SCN10A: variants seen among roughly 807,000 people sequenced by gnomAD.
SCN10A encodes sodium voltage-gated channel alpha subunit 10.
A neutral mutation model predicts 170.7 loss-of-function variants in SCN10A; 162 were observed. The ratio of observed to expected loss-of-function variants is 0.95; its 90% CI spans 0.84 to 1.08. The LOEUF is 1.08. SCN10A is among the 50% of genes least tolerant of loss of function. The pLI, the probability that SCN10A is intolerant of heterozygous loss-of-function variation, is 0.00. For missense variants in SCN10A, 2,527 were observed against 2,436.9 expected, an observed-to-expected ratio of 1.04 and a Z score of -0.78; for synonymous variants, 985 against 904.6, an observed-to-expected ratio of 1.09 and a Z score of -1.59.
At chr3:38,767,072 T>G (rs1261950363) in intron 5 of SCN10A, among the ~76,000 whole-genome samples, 1 of 152,014 alleles carries the variant, frequency 6.6e-6, no homozygotes, top group African/African-American at 2.4e-5. Context: ...GTGGTATCAG[T>G]TGTAATATCT....
intron 13 of SCN10A, among the ~76,000 whole-genome samples, chr3:38,746,803 G>A (rs2063695354): frequency 6.6e-6 from 1 of 152,096 alleles, no homozygotes; most frequent in African/African-American, 2.4e-5. Flanking sequence ...TCCTCTTTAA[G>A]GCACTCACCA....
At chr3:38,796,986 AACTT>A (rs900243278) in intron 1 of SCN10A, among the ~76,000 whole-genome samples, 1 of 152,142 alleles carries the variant, frequency 6.6e-6, no homozygotes, top group Non-Finnish European at 1.5e-5. Flanking sequence ...ATAATGGCGA[AACTT>A]AATAGCTGAA....
At position 38,697,302 on chromosome 3, in the gene SCN10A, C is replaced by T. The variant is rs116283332; in HGVS notation, c.*47G>A. 1,776 of 1,594,394 alleles carry T rather than the reference C, an allele frequency of 1.1e-3. 14 individuals are homozygous for T. In the African/African-American group the frequency reaches 0.021, roughly 19 times the overall value. On this transcript the variant is annotated 3_prime_UTR_variant, in exon 28 of 28. Transcript: ENST00000449082. ...GCAATGGGAAAGAGTTAACACAGAG[C>T]AGAAGGACGCATCATAACTGAACAT... is the stretch of plus-strand genomic sequence containing the variant.
chr3:38,757,261 G>C (rs2063819422), intron 8 of SCN10A, 102 bp from the exon 9 acceptor site: 1 of 1,149,900 alleles, frequency 8.7e-7, no homozygotes. Context: ...CAGAGTTCAA[G>C]ACCTAGTCTT....
chr3:38,750,025 G>A (rs746403296), intron 13 of SCN10A, 48 bp downstream of exon 13: 2 of 1,041,896 alleles, frequency 1.9e-6, no homozygotes, highest in Non-Finnish European at 3.0e-6. Flanking sequence ...GCTCACATGG[G>A]AATTCATCAT....
intron 4 of SCN10A, among the ~76,000 whole-genome samples, chr3:38,781,756 A>C (rs1299015551): frequency 1.3e-5 from 2 of 152,140 alleles, no homozygotes; most frequent in African/African-American, 4.8e-5. Flanking sequence ...GTTTGAGCCT[A>C]GTTATAATGA....
chr3:38,696,918 G>A lies in SCN10A; in HGVS notation c.*431C>T, dbSNP rs913897505. The A allele has an allele frequency of 5.4e-6, 1 of 186,432 alleles. No individual in the cohort carries two copies. Among genetic ancestry groups the A allele is most frequent in the African/African-American group, 2.3e-5 (1 of 43,050 alleles). 11.5% of individuals were successfully genotyped at this position (186,432 alleles called of 1,614,324 possible). On this transcript the variant is annotated 3_prime_UTR_variant, in exon 28 of 28. Coordinates refer to ENST00000449082, the MANE Select transcript of SCN10A (RefSeq NM_006514.4). ...TCCGACAGCTCTCACATGCAGTCAT[G>A]CAAAATCCTAAATAATATTGCCAAT... is the stretch of plus-strand genomic sequence containing the variant.
intron 1 of SCN10A, among the ~76,000 whole-genome samples, chr3:38,808,810 T>C (rs982908081): frequency 6.6e-6 from 1 of 152,184 alleles, no homozygotes; most frequent in Admixed American, 6.5e-5. Flanking sequence ...AATGGGGCAA[T>C]GACTGAAGGG....
At chr3:38,807,641 C>T (rs1559473431) in intron 1 of SCN10A, among the ~76,000 whole-genome samples, 1 of 152,088 alleles carries the variant, frequency 6.6e-6, no homozygotes, top group Non-Finnish European at 1.5e-5. Flanking sequence ...TCTTTTATAT[C>T]CCCTTGCATC....
At chr3:38,714,330 C>A (rs557824244) in intron 21 of SCN10A, among the ~76,000 whole-genome samples, 33 of 152,334 alleles carry the variant, frequency 2.2e-4, no homozygotes, top group South Asian at 1.7e-3. Flanking sequence ...CATCACCAAC[C>A]TCTGGTACGT....
chr3:38,700,530 T>C (rs1046562715), intron 27 of SCN10A, among the ~76,000 whole-genome samples: 1 of 152,242 alleles, frequency 6.6e-6, no homozygotes, highest in African/African-American at 2.4e-5. Context: ...GATGGTTTCA[T>C]GGGTGTATAC....
At position 38,742,333 on chromosome 3, in the gene SCN10A, G is replaced by A. The variant is rs758224718; in HGVS notation, c.2064C>T (p.Gly688=). The change falls in exon 14 of 28, where the codon GGC becomes GGT. Residue 688 remains glycine (G), a synonymous_variant. Coordinates refer to ENST00000449082, the MANE Select transcript of SCN10A (RefSeq NM_006514.4). ...GCATGGCTTCGAAGGTAGGGCTCATGCCATGGTGCTCCATGGCCATGAAGA... is the reference window on the plus strand; with the variant it reads ...GCATGGCTTCGAAGGTAGGGCTCATACCATGGTGCTCCATGGCCATGAAGA... The part of the protein sequence containing the change: ...NTIFMAMEHH[G]MSPTFEAMLQ... 2.5e-6 allele frequency: 4 copies of A among 1,613,800 alleles called. No individual in the cohort carries two copies. The highest frequency in any genetic ancestry group is 3.4e-6 in the Non-Finnish European group (4 of 1,179,842).
chr3:38,787,086 T>C (rs956469644), intron 4 of SCN10A, among the ~76,000 whole-genome samples: 6 of 152,204 alleles, frequency 3.9e-5, no homozygotes, highest in African/African-American at 1.4e-4. Flanking sequence ...GTTGAAATAT[T>C]GATTTGAGGA....
At chr3:38,774,289 T>C (rs1315728904) in intron 4 of SCN10A, among the ~76,000 whole-genome samples, 1 of 152,216 alleles carries the variant, frequency 6.6e-6, no homozygotes, top group Non-Finnish European at 1.5e-5. Context: ...CTTTGATGGA[T>C]ATTTCTGGTT....
At chr3:38,762,834 G>C (rs1290895994) in intron 6 of SCN10A, among the ~76,000 whole-genome samples, 2 of 152,152 alleles carry the variant, frequency 1.3e-5, no homozygotes, top group African/African-American at 2.4e-5. Flanking sequence ...AATTCTTGGG[G>C]TGAGAGGAGA....
rs2063482010 is a variant in SCN10A at position 38,728,633 on chromosome 3, C to T, written c.2549G>A (p.Trp850Ter). Residue 850 changes from tryptophan to a stop codon, truncating the protein, a stop_gained, in exon 16 of 28, where the codon TGG becomes TAG. Coordinates refer to ENST00000449082, the MANE Select transcript of SCN10A (RefSeq NM_006514.4). LOFTEE classifies it high-confidence loss of function. ...CATGCAGGCCCACATGTTCTCAATC[C>T]ACTCTCCACAGAGGATACGGAAGAC... Reference protein sequence around the residue: ...LIVFRILCGEWIENMWACMEV... With the variant: ...LIVFRILCGE 3 of 1,613,960 alleles carry T rather than the reference C, an allele frequency of 1.9e-6. No homozygotes were observed. The highest frequency in any genetic ancestry group is 2.5e-6 in the Non-Finnish European group (3 of 1,179,864).
intron 18 of SCN10A, among the ~76,000 whole-genome samples, chr3:38,724,792 G>A (rs2063434526): frequency 6.6e-6 from 1 of 152,138 alleles, no homozygotes; most frequent in African/African-American, 2.4e-5. Flanking sequence ...CTAAACATTT[G>A]ACAAGCAGCA....
At chr3:38,755,466 T>C (rs1272410570) in intron 11 of SCN10A, among the ~76,000 whole-genome samples, 1 of 151,976 alleles carries the variant, frequency 6.6e-6, no homozygotes, top group African/African-American at 2.4e-5. Flanking sequence ...TCCTCCAGTG[T>C]CCTCATCTTG....
chr3:38,788,125 A>C (rs2064231033), intron 4 of SCN10A, among the ~76,000 whole-genome samples: 1 of 151,830 alleles, frequency 6.6e-6, no homozygotes. Flanking sequence ...TTTTAGCATC[A>C]ATTAAGAAGA....
Sources: gnomAD v4.1 joint callset for allele counts (sites outside exome capture counted in the v4.1 genomes callset) on GRCh38, gnomAD v4.1.1 for gene constraint, MANE v1.5 for transcripts, NCBI Gene and HGNC (gene_info 2026-07-23, HGNC 2026-07-21) for gene names.